DMD: variants seen among roughly 807,000 people sequenced by gnomAD.
DMD encodes mutant dystrophin.
DMD carries 63 observed loss-of-function variants against 330.1 expected under a neutral mutation model. The observed-to-expected ratio is 0.19, with a 90% CI of 0.16 to 0.24. DMD has a LOEUF of 0.24. DMD is among the 10% of genes least tolerant of loss of function. The pLI is 1.00. For synonymous variants in DMD, 1,223 were observed against 959.8 expected, an observed-to-expected ratio of 1.27 and a Z score of -5.07; for missense variants, 3,344 against 2,684.1, an observed-to-expected ratio of 1.25 and a Z score of -5.43.
chrX:31,902,999 C>T (rs2094440909), intron 47 of DMD, among the ~76,000 whole-genome samples: 1 of 111,199 alleles, frequency 9.0e-6, no homozygotes, highest in African/African-American at 3.3e-5. Flanking sequence ...ACAATTGTCC[C>T]TATTATGACA....
At chrX:32,120,047 T>TAA (rs1169161222) in intron 44 of DMD, among the ~76,000 whole-genome samples, 1 of 112,386 alleles carries the variant, frequency 8.9e-6, no homozygotes, top group Non-Finnish European at 1.9e-5. Flanking sequence ...TGATAGTTGA[T>TAA]AACTTTTGAT....
At chrX:32,215,850 G>A (rs142829932) in intron 44 of DMD, among the ~76,000 whole-genome samples, 33 of 111,812 alleles carry the variant, frequency 3.0e-4, no homozygotes, top group African/African-American at 9.1e-4. Context: ...TGGTGTGCAT[G>A]CAAGTTTGAT....
chrX:32,113,681 T>G (rs1466236013), intron 44 of DMD, among the ~76,000 whole-genome samples: 1 of 111,568 alleles, frequency 9.0e-6, no homozygotes, highest in African/African-American at 3.3e-5. Context: ...TTTATTTTTG[T>G]GTATATCCTT....
intron 49 of DMD, among the ~76,000 whole-genome samples, chrX:31,834,768 C>T (rs1397291070): frequency 1.8e-5 from 2 of 110,845 alleles, no homozygotes; most frequent in African/African-American, 6.6e-5. Flanking sequence ...TTCTCCAAAT[C>T]CAAGGGAGAA....
chrX:32,315,462 T>A (rs2097579820), intron 41 of DMD, among the ~76,000 whole-genome samples: 1 of 110,297 alleles, frequency 9.1e-6, no homozygotes, highest in Non-Finnish European at 1.9e-5. Context: ...CATGTATACC[T>A]ATGCAACAAA....
intron 64 of DMD, among the ~76,000 whole-genome samples, chrX:31,213,696 C>T (rs1451492995): frequency 1.8e-5 from 2 of 111,917 alleles, no homozygotes; most frequent in African/African-American, 6.5e-5. Flanking sequence ...GATTCGTAAG[C>T]ACTGTCATTT....
chrX:32,540,242 G>GT (rs2048368078), intron 17 of DMD, among the ~76,000 whole-genome samples: 2 of 110,878 alleles, frequency 1.8e-5, no homozygotes, highest in Admixed American at 1.9e-4. Context: ...CTGAATTGCA[G>GT]GAATAATTTG....
At chrX:32,812,425 G>C (rs1482620213) in intron 6 of DMD, among the ~76,000 whole-genome samples, 1 of 111,947 alleles carries the variant, frequency 8.9e-6, no homozygotes, top group Non-Finnish European at 1.9e-5. Context: ...CTGAGGCCAG[G>C]ATTTCGAGAC....
rs144667422 is a variant in DMD at position 32,454,820 on chromosome X, T to C, written c.3445A>G (p.Lys1149Glu). 56 of 1,205,094 alleles carry C rather than the reference T, an allele frequency of 4.6e-5. No homozygotes were observed. Among genetic ancestry groups the C allele is most frequent in the Admixed American group, 4.4e-5 (2 of 45,422 alleles). Residue 1149 changes from lysine to glutamate, a missense_variant, in exon 26 of 79, where the codon AAG becomes GAG. Transcript: ENST00000357033. Reference protein sequence around the residue: ...DHMCQQVYARKEALKGGLEKT... With the variant: ...DHMCQQVYAREEALKGGLEKT... ...TCCAAACCTCCCTTCAAGGCCTCCTTTCTGGCATAGACCTTCCACAAAACA... is the reference window on the plus strand; with the variant it reads ...TCCAAACCTCCCTTCAAGGCCTCCTCTCTGGCATAGACCTTCCACAAAACA...
intron 44 of DMD, among the ~76,000 whole-genome samples, chrX:32,033,660 G>GA (rs1253867830): frequency 4.0e-4 from 25 of 62,474 alleles, no homozygotes; most frequent in African/African-American, 1.8e-3. Context: ...AAAGAAGAAA[G>GA]AAAGAAAGAA....
intron 11 of DMD, among the ~76,000 whole-genome samples, chrX:32,640,305 T>A (rs969042538): frequency 4.0e-4 from 43 of 107,537 alleles, no homozygotes; most frequent in Non-Finnish European, 6.5e-4. Flanking sequence ...TATGTCAGCC[T>A]CATGACACTA....
chrX:31,434,165 G>C (rs751634295), intron 60 of DMD, among the ~76,000 whole-genome samples: 1 of 111,383 alleles, frequency 9.0e-6, no homozygotes, highest in South Asian at 3.8e-4. Flanking sequence ...ATCTTCCCTA[G>C]ATGTGACTTA....
intron 2 of DMD, among the ~76,000 whole-genome samples, chrX:32,978,152 T>C (rs899306922): frequency 3.6e-5 from 4 of 111,782 alleles, no homozygotes; most frequent in Non-Finnish European, 7.5e-5. Context: ...GGCGGACTGC[T>C]ACAGGGCAGG....
chrX:32,683,440 A>G (rs1188138443), intron 9 of DMD, among the ~76,000 whole-genome samples: 1 of 109,852 alleles, frequency 9.1e-6, no homozygotes, highest in Non-Finnish European at 1.9e-5. Flanking sequence ...TGCCACATAT[A>G]CACCATGGAA....
At chrX:33,202,383 A>G (rs916379032) in intron 1 of DMD, among the ~76,000 whole-genome samples, 5 of 111,725 alleles carry the variant, frequency 4.5e-5, no homozygotes, top group Non-Finnish European at 9.4e-5. Flanking sequence ...GTACCTCTAC[A>G]TATTCATCTG....
In DMD at chrX:31,743,860, CT is replaced by C. The variant is rs781720894; in HGVS notation, c.7543-14113del. ...AAATCAAAGTTGAAAAAATGTTTGT[CT>C]TTTTTTTTTTTTCCACACAGGGTCT... On this transcript the variant is annotated intron_variant, in intron 51 of 78. Transcript: ENST00000357033. Among the ~76,000 whole-genome samples the C allele has an allele frequency of 1.2e-3, 128 of 103,508 alleles. 1 individual carries two copies. The highest frequency in any genetic ancestry group is 1.1e-3 in the African/African-American group (33 of 28,817). 89.9% of individuals were successfully genotyped at this position (103,508 alleles called of 115,157 possible).
At chrX:31,845,424 T>TCTCC (rs1295024075) in intron 48 of DMD, among the ~76,000 whole-genome samples, 3 of 94,345 alleles carry the variant, frequency 3.2e-5, no homozygotes, top group Admixed American at 1.1e-4. Context: ...TCTCTCTCTC[T>TCTCC]CCCTCTCCTC....
chrX:32,445,998 T>C (rs2098302452), intron 27 of DMD, among the ~76,000 whole-genome samples: 1 of 110,509 alleles, frequency 9.0e-6, no homozygotes, highest in South Asian at 3.7e-4. Context: ...TTTAGAAAAG[T>C]ATCCAAAATT....
chrX:32,635,145 T>G (rs780419462), intron 11 of DMD, among the ~76,000 whole-genome samples: 4 of 111,309 alleles, frequency 3.6e-5, no homozygotes, highest in African/African-American at 1.3e-4. Flanking sequence ...CAATGCAAAG[T>G]CCTATAATCA....
Sources: gnomAD v4.1 joint callset for allele counts (sites outside exome capture counted in the v4.1 genomes callset) on GRCh38, gnomAD v4.1.1 for gene constraint, MANE v1.5 for transcripts, NCBI Gene and HGNC (gene_info 2026-07-23, HGNC 2026-07-21) for gene names.